CFAP251: variants seen among roughly 807,000 people sequenced by gnomAD.
CFAP251 encodes the protein cilia- and flagella-associated protein 251.
In CFAP251, 93 loss-of-function variants were observed where a neutral mutation model predicts 126.7. The ratio of observed to expected loss-of-function variants is 0.73; its 90% CI spans 0.62 to 0.87. CFAP251 has a LOEUF of 0.87. Ranked by LOEUF, CFAP251 falls within the 40% of genes least tolerant of loss-of-function variation. CFAP251 has a pLI of 0.00. For synonymous variants in CFAP251, 503 were observed against 506.9 expected, an observed-to-expected ratio of 0.99 and a Z score of 0.10; for missense variants, 1,287 against 1,389.2, an observed-to-expected ratio of 0.93 and a Z score of 1.17.
At chr12:121,939,197 G>C (rs1592971620) in intron 5 of CFAP251, among the ~76,000 whole-genome samples, 1 of 152,076 alleles carries the variant, frequency 6.6e-6, no homozygotes, top group Non-Finnish European at 1.5e-5. Flanking sequence ...ATCTGATTGT[G>C]TTGCCACCCT....
chr12:121,992,357 G>C (rs1263115179), intron 19 of CFAP251: 3 of 985,272 alleles, frequency 3.0e-6, no homozygotes, highest in Non-Finnish European at 3.6e-6. Flanking sequence ...TTGTTGAGTA[G>C]TGATTCTTGA....
intron 21 of CFAP251, 71 bp from the exon 22 acceptor site, chr12:122,003,580 TC>T: frequency 7.9e-7 from 1 of 1,263,092 alleles, no homozygotes; most frequent in Non-Finnish European, 1.1e-6. Context: ...CTCAAACCCC[TC>T]CCCTCACCCA....
intron 15 of CFAP251, among the ~76,000 whole-genome samples, chr12:121,964,632 G>A (rs59922210): frequency 0.081 from 12,306 of 152,252 alleles, 952 homozygotes; most frequent in African/African-American, 0.2. Flanking sequence ...TCAGCCGGGC[G>A]TGGTGGCTCA....
chr12:122,000,475 C>T (rs1883122085), intron 20 of CFAP251, among the ~76,000 whole-genome samples: 1 of 151,074 alleles, frequency 6.6e-6, no homozygotes, highest in African/African-American at 2.4e-5. Flanking sequence ...TTGCTTGAAC[C>T]CGGGAGGTGG....
At chr12:121,941,674 A>G (rs535973454) in intron 5 of CFAP251, among the ~76,000 whole-genome samples, 2 of 152,234 alleles carry the variant, frequency 1.3e-5, no homozygotes, top group African/African-American at 2.4e-5. Flanking sequence ...ATCTTTTTAA[A>G]TAATTCATGT....
At chr12:121,957,476 G>A (rs1288872636) in intron 11 of CFAP251, among the ~76,000 whole-genome samples, 9 of 151,950 alleles carry the variant, frequency 5.9e-5, no homozygotes, top group Middle Eastern at 6.8e-3. Context: ...AGGCCAAGGC[G>A]GGTGGATCAC....
rs531986490 is a variant in CFAP251, at chr12:121,960,861, G to T, written c.2307+103G>T. 4 of 1,374,342 alleles carry T rather than the reference G, an allele frequency of 2.9e-6. No individual in the cohort carries two copies. In the African/African-American group the frequency reaches 5.8e-5, roughly 20 times the overall value. The allele number at this position is 1,374,342 out of a possible 1,614,324, so 85.1% of individuals were successfully genotyped here. Reference sequence around the variant, plus strand: ...AGCCAGGCCCACAGTACGTGTGTTTGTTGGAGAAAATGAATGCACAGTGAA... The same window carrying T: ...AGCCAGGCCCACAGTACGTGTGTTTTTTGGAGAAAATGAATGCACAGTGAA... On this transcript the variant is annotated intron_variant, in intron 14 of 21. Transcript: ENST00000288912.
chr12:121,947,479 T>C (rs1881365771), intron 7 of CFAP251, among the ~76,000 whole-genome samples: 1 of 152,128 alleles, frequency 6.6e-6, no homozygotes, highest in Non-Finnish European at 1.5e-5. Context: ...CTTTTCTTTT[T>C]TTTGAGATGG....
chr12:121,988,805 G>A (rs1398732144), intron 19 of CFAP251, among the ~76,000 whole-genome samples: 18 of 147,914 alleles, frequency 1.2e-4, no homozygotes, highest in Admixed American at 7.6e-4. Flanking sequence ...GCGCGATCTC[G>A]GCTCACTGCA....
At chr12:121,971,749 T>C in intron 17 of CFAP251, 1 of 633,298 alleles carries the variant, frequency 1.6e-6, no homozygotes, top group Non-Finnish European at 2.9e-6. Flanking sequence ...TTGTCTCCAA[T>C]CTTTGTGATA....
chr12:121,956,564 C>T (rs1181123785), intron 10 of CFAP251, among the ~76,000 whole-genome samples: 8 of 152,140 alleles, frequency 5.3e-5, no homozygotes, highest in African/African-American at 1.7e-4. Context: ...GATGCAATCT[C>T]GGCTCACTGC....
intron 16 of CFAP251, 114 bp downstream of exon 16, chr12:121,967,183 G>C: frequency 1.1e-6 from 1 of 907,338 alleles, no homozygotes; most frequent in South Asian, 1.5e-5. Flanking sequence ...AAGCCCAACT[G>C]CTTCCACCCC....
chr12:121,994,001 C>T (rs1251619079), intron 19 of CFAP251, among the ~76,000 whole-genome samples: 2 of 40,282 alleles, frequency 5.0e-5, no homozygotes, highest in African/African-American at 7.7e-5. Context: ...CCCGGCCAGC[C>T]GCCCCGTCCG....
intron 19 of CFAP251, chr12:121,999,161 AT>A (rs1354324415): frequency 2.8e-4 from 43 of 151,984 alleles, no homozygotes; most frequent in African/African-American, 1.0e-3. Context: ...TCTGTCCTTT[AT>A]TCTGTTAATA....
intron 19 of CFAP251, chr12:121,996,764 A>T (rs1883029634): frequency 6.6e-6 from 1 of 152,198 alleles, no homozygotes; most frequent in Admixed American, 6.6e-5. Flanking sequence ...TCACCCGATC[A>T]TCTGCTGGTG....
intron 19 of CFAP251, among the ~76,000 whole-genome samples, chr12:121,993,775 C>CCG (rs1593007861): frequency 2.0e-5 from 2 of 98,314 alleles, no homozygotes; most frequent in East Asian, 3.8e-4. Flanking sequence ...GCCCGGCCAG[C>CCG]ACCCCGTCCG....
At chr12:122,000,335 T>G (rs1211071527) in intron 20 of CFAP251, among the ~76,000 whole-genome samples, 1 of 151,900 alleles carries the variant, frequency 6.6e-6, no homozygotes, top group African/African-American at 2.4e-5. Context: ...GCGGATTGCT[T>G]GAGGTCAGAA....
At chr12:121,934,893 A>T (rs1282704263) in intron 5 of CFAP251, among the ~76,000 whole-genome samples, 3 of 152,172 alleles carry the variant, frequency 2.0e-5, no homozygotes, top group Non-Finnish European at 4.4e-5. Context: ...TGCAGCCATG[A>T]ACTCCCAGGA....
At chr12:121,977,574 C>T (rs921630271) in intron 19 of CFAP251, among the ~76,000 whole-genome samples, 18 of 151,672 alleles carry the variant, frequency 1.2e-4, no homozygotes, top group East Asian at 7.8e-4. Context: ...GCAAGAGAAT[C>T]GCTTGAACCC....
Sources: gnomAD v4.1 joint callset for allele counts (sites outside exome capture counted in the v4.1 genomes callset) on GRCh38, gnomAD v4.1.1 for gene constraint, MANE v1.5 for transcripts, NCBI Gene and HGNC (gene_info 2026-07-23, HGNC 2026-07-21) for gene names.